The following TRIM14 variants were observed in gnomAD, a reference collection of about 807,000 sequenced individuals.
TRIM14 encodes the protein tripartite motif containing 14, also known as tripartite motif-containing protein 14.
TRIM14 carries 28 observed loss-of-function variants against 44.5 expected under a neutral mutation model. That is an observed-to-expected ratio of 0.63 (90% CI 0.47 to 0.86). The LOEUF (loss-of-function observed/expected upper bound fraction) is 0.86. Ranked by LOEUF, TRIM14 falls within the 40% of genes least tolerant of loss-of-function variation. TRIM14 has a pLI of 0.00. For synonymous variants in TRIM14, 299 were observed against 269.2 expected (o/e 1.11, Z -1.08); for missense variants, 607 against 611.1 (o/e 0.99, Z 0.07).
chr9:98,055,782 G>C, the TRIM14 span, among the ~76,000 whole-genome samples: 3 of 152,010 alleles, frequency 2.0e-5, no homozygotes, highest in African/African-American at 7.2e-5. Flanking sequence ...AGTGTCACCA[G>C]GCTGGAGTGC....
chr9:98,047,182 T>G, the TRIM14 span, among the ~76,000 whole-genome samples: 1 of 152,142 alleles, frequency 6.6e-6, no homozygotes, highest in African/African-American at 2.4e-5. Flanking sequence ...TCTCACGAGA[T>G]TTGATGGTTT....
chr9:98,064,305 G>A (rs1829071370), downstream of TRIM14, among the ~76,000 whole-genome samples: 1 of 151,946 alleles, frequency 6.6e-6, no homozygotes, highest in African/African-American at 2.4e-5. Context: ...TCAAGCTGGA[G>A]TGCAATGGCA....
chr9:98,037,397 A>C, the TRIM14 span, among the ~76,000 whole-genome samples: 1,417 of 152,224 alleles, frequency 9.3e-3, 16 homozygotes, highest in Middle Eastern at 0.037. Context: ...AACAAACAAA[A>C]AAAAGTGGGT....
chr9:98,094,912 C>T lies in TRIM14; in HGVS notation c.655G>A (p.Val219Met), dbSNP rs2296079. The T allele has an allele frequency of 8.4e-5, 136 of 1,614,210 alleles. No individual in the cohort carries two copies. The East Asian group carries it at 2.1e-3, about 25-fold the overall frequency. The change falls in exon 4 of 6, where the codon GTG (valine) becomes ATG (methionine). Residue 219 changes from valine to methionine, a missense_variant. Physicochemically the swap from Val to Met is conservative, Grantham distance 21 (BLOSUM62 1). Transcript: ENST00000341469. ...AATGGCGTCTGTAATGTACTCTCCA[C>T]GGCTTCCACGAGGCCCTTAAAGAAG... ...KSFFKGLVEA[V>M]ESTLQTPLDI...
the TRIM14 span, among the ~76,000 whole-genome samples, chr9:98,059,730 GT>G: frequency 9.2e-4 from 128 of 139,280 alleles, no homozygotes; most frequent in Middle Eastern, 3.6e-3. Context: ...AGTGTTTTTT[GT>G]TTTTTTTTTT....
chr9:98,088,485 G>T (rs1252128994), intron 5 of TRIM14, among the ~76,000 whole-genome samples: 1 of 152,064 alleles, frequency 6.6e-6, no homozygotes, highest in African/African-American at 2.4e-5. Flanking sequence ...CTCCCGAGTA[G>T]CTGGGACTAC....
intron 2 of TRIM14, among the ~76,000 whole-genome samples, chr9:98,105,198 A>G (rs947870501): frequency 3.9e-5 from 6 of 152,316 alleles, no homozygotes; most frequent in Admixed American, 6.5e-5. Flanking sequence ...GGTCACAGAG[A>G]AAGGCATGGA....
intron 3 of TRIM14, among the ~76,000 whole-genome samples, chr9:98,098,706 A>G (rs1826277279): frequency 1.3e-5 from 2 of 151,992 alleles, no homozygotes; most frequent in African/African-American, 4.8e-5. Context: ...TCCGTCTCAA[A>G]AAAAAAGAAA....
chr9:98,074,743 C>G (rs1251109340), intron 6 of TRIM14: 1 of 152,292 alleles, frequency 6.6e-6, no homozygotes, highest in East Asian at 1.9e-4. Context: ...CCCGATCGCT[C>G]TGCCCCTCTC....
chr9:98,067,195 T>C (rs539219204), downstream of TRIM14, among the ~76,000 whole-genome samples: 1 of 152,354 alleles, frequency 6.6e-6, no homozygotes, highest in East Asian at 1.9e-4. Context: ...CTTTGGCTGT[T>C]ATGAATAATG....
chr9:98,087,572 G>T lies in TRIM14; in HGVS notation c.1227C>A (p.Gly409=). The part of the protein sequence containing the change: ...AGVLAFYDVT[G]GMSHLHTFRA... The stretch of plus-strand genomic sequence containing the variant: ...GGAAGGTATGCAGGTGGCTCATGCC[G>T]CCCGTCACGTCGTAGAAGGCGAGGA... The change falls in exon 6 of 6, where the codon GGC becomes GGA. Residue 409 remains glycine, a synonymous_variant. Coordinates refer to ENST00000341469, the MANE Select transcript of TRIM14 (RefSeq NM_014788.4). The T allele has an allele frequency of 6.3e-7, 1 of 1,596,664 alleles. No individual in the cohort carries two copies. The highest frequency in any genetic ancestry group is 8.5e-7 in the Non-Finnish European group (1 of 1,174,308).
chr9:98,077,091 C>T, intron 6 of TRIM14: 1 of 1,072,842 alleles, frequency 9.3e-7, no homozygotes, highest in Non-Finnish European at 1.3e-6. Context: ...CATGGTGGCC[C>T]ACTTTCAGCA....
At chr9:98,056,746 AGGCGGCGGC>A in the TRIM14 span, 1 of 1,567,786 alleles carries the variant, frequency 6.4e-7, no homozygotes, top group Non-Finnish European at 8.6e-7. Context: ...AACAGAGTAG[AGGCGGCGGC>A]GGCGGCGGCC....
rs543307187 is a variant in TRIM14, at chr9:98,110,724, G to T, written c.208-740C>A. Among the ~76,000 whole-genome samples the T allele has an allele frequency of 2.4e-4, 37 of 152,074 alleles. 1 individual carries two copies. In the South Asian group the frequency reaches 5.2e-3, roughly 21 times the overall value. On this transcript the variant is annotated intron_variant, in intron 1 of 5. Transcript: ENST00000341469. ...GAATTGAACAGAATTATCAGGGGCT[G>T]GTCAGGCATGGTGGCTCATGTCTGT... is the stretch of plus-strand genomic sequence containing the variant.
In TRIM14 at chr9:98,087,608, G is replaced by A. The variant is rs1190378988; in HGVS notation, c.1191C>T (p.Tyr397=). Residue 397 remains tyrosine (Y), a synonymous_variant, in exon 6 of 6, where the codon TAC becomes TAT. Transcript: ENST00000341469. ...DLDRLGVFLD[Y]EAGVLAFYDV... ...CGTAGAAGGCGAGGACGCCGGCCTC[G>A]TAGTCCAGGAAGACGCCGAGCCGGT... 2 of 1,601,372 alleles carry A rather than the reference G, an allele frequency of 1.2e-6. No homozygotes were observed.
the TRIM14 span, among the ~76,000 whole-genome samples, chr9:98,055,308 T>C: frequency 1.3e-5 from 2 of 152,240 alleles, no homozygotes; most frequent in South Asian, 4.1e-4. Context: ...TGTGAGCCAC[T>C]ATGCCCCACC....
the TRIM14 span, among the ~76,000 whole-genome samples, chr9:98,046,631 G>A: frequency 1.3e-5 from 2 of 151,960 alleles, no homozygotes; most frequent in African/African-American, 4.8e-5. Context: ...ATTAGAGAGG[G>A]GGTTTCACCA....
the TRIM14 span, among the ~76,000 whole-genome samples, chr9:98,055,731 A>G: frequency 1.3e-5 from 2 of 151,886 alleles, no homozygotes; most frequent in Admixed American, 6.6e-5. Context: ...TATTTTTTAA[A>G]TTAATTAATT....
Position 98,087,608 on chromosome 9 carries a change from G to C in TRIM14, c.1191C>G (p.Tyr397Ter). Residue 397 changes from tyrosine (Y) to a stop codon, truncating the protein, a stop_gained, in exon 6 of 6, where the codon TAC becomes TAG. Transcript: ENST00000341469. LOFTEE classifies it high-confidence loss of function. Reference sequence around the variant, plus strand: ...CGTAGAAGGCGAGGACGCCGGCCTCGTAGTCCAGGAAGACGCCGAGCCGGT... The same window carrying C: ...CGTAGAAGGCGAGGACGCCGGCCTCCTAGTCCAGGAAGACGCCGAGCCGGT... ...DLDRLGVFLD[Y>*]EAGVLAFYDV... 11 of 1,601,372 alleles carry C rather than the reference G, an allele frequency of 6.9e-6. No homozygotes were observed. The highest frequency in any genetic ancestry group is 9.3e-6 in the Non-Finnish European group (11 of 1,177,318).
Sources: allele counts gnomAD v4.1 joint callset (sites outside exome capture counted in the v4.1 genomes callset), GRCh38; gene constraint gnomAD v4.1.1; transcripts MANE v1.5; gene names NCBI Gene and HGNC (gene_info 2026-07-23, HGNC 2026-07-21).